The following ASMT variants were observed in gnomAD, a reference collection of about 807,000 sequenced individuals.
ASMT encodes the protein acetylserotonin N-methyltransferase.
In ASMT, 53 loss-of-function variants were observed where a neutral mutation model predicts 41.3. That is an observed-to-expected ratio of 1.28 (90% CI 1.03 to 1.61). The LOEUF is 1.61. Ranked by LOEUF, ASMT falls within the 40% of genes most tolerant of loss-of-function variation. The pLI is 0.00. For synonymous variants in ASMT, 231 were observed against 184.8 expected (o/e 1.25, Z -2.03); for missense variants, 531 against 441.3 (o/e 1.20, Z -1.82).
chrX:1,620,843 C>T (rs1432268536), intron 1 of ASMT, among the ~76,000 whole-genome samples: 5 of 151,432 alleles, frequency 3.3e-5, no homozygotes, highest in Non-Finnish European at 5.9e-5. Flanking sequence ...GAGGCGTGAT[C>T]GTGCCACTGC....
In ASMT at chrX:1,636,904, G is replaced by A. The variant is rs190487146; in HGVS notation, c.910+344G>A. Among the ~76,000 whole-genome samples the A allele has an allele frequency of 5.3e-4, 75 of 141,818 alleles. 1 individual carries two copies. Among genetic ancestry groups the A allele is most frequent in the African/African-American group, 1.1e-3 (43 of 38,294 alleles). 93.0% of individuals were successfully genotyped at this position (141,818 alleles called of 152,430 possible). A position where few individuals can be genotyped will look rare whatever the true frequency, so the allele number is the denominator to read the frequency against. ...ATCCTGATGGTTCATGAGGATGTGGGCACAGCCTCTGTGTGTGATGGGGAC... is the reference window on the plus strand; with the variant it reads ...ATCCTGATGGTTCATGAGGATGTGGACACAGCCTCTGTGTGTGATGGGGAC... On this transcript the variant is annotated intron_variant, in intron 8 of 8. Transcript: ENST00000381241.
At chrX:1,615,404 C>CTT in intron 1 of ASMT, 136 bp downstream of exon 1, 1 of 914,332 alleles carries the variant, frequency 1.1e-6, no homozygotes, top group Middle Eastern at 2.5e-4. Flanking sequence ...AAGACGTACA[C>CTT]CCACGATGTA....
chrX:1,641,051 G>GC (rs1225449328), intron 8 of ASMT, among the ~76,000 whole-genome samples: 1 of 9,112 alleles, frequency 1.1e-4, no homozygotes, highest in Non-Finnish European at 4.4e-4. Context: ...CAGTGTCCCA[G>GC]TGTCCTGTGA....
At chrX:1,628,251 G>A (rs1934632484) in intron 4 of ASMT, among the ~76,000 whole-genome samples, 1 of 152,304 alleles carries the variant, frequency 6.6e-6, no homozygotes, top group South Asian at 2.1e-4. Context: ...AACCCGGGAG[G>A]CGGAGGTTGC....
In ASMT at chrX:1,615,142, T is replaced by C. The variant is rs377128428; in HGVS notation, c.-58T>C. The stretch of plus-strand genomic sequence containing the variant: ...TTCCCCACCTTGCCAGCAGGCTCTG[T>C]GCTCCTTGAAGCAAGCGCTCCAGAG... On this transcript the variant is annotated 5_prime_UTR_variant, in exon 1 of 9. Transcript: ENST00000381241. 14 of 1,504,792 alleles carry C rather than the reference T, an allele frequency of 9.3e-6. No individual in the cohort carries two copies. The highest frequency in any genetic ancestry group is 1.7e-4 in the Middle Eastern group (1 of 5,850). 93.2% of individuals were successfully genotyped at this position (1,504,792 alleles called of 1,614,324 possible). A position where few individuals can be genotyped will look rare whatever the true frequency, so the allele number is the denominator to read the frequency against.
intron 1 of ASMT, 145 bp downstream of exon 1, chrX:1,615,413 TAGCC>T: frequency 1.2e-6 from 1 of 856,200 alleles, no homozygotes; most frequent in Middle Eastern, 2.7e-4. Context: ...ACCCACGATG[TAGCC>T]TCAGGAGTTC....
At chrX:1,616,919 A>C (rs767266786) in intron 1 of ASMT, among the ~76,000 whole-genome samples, 2 of 151,844 alleles carry the variant, frequency 1.3e-5, no homozygotes, top group African/African-American at 4.8e-5. Context: ...CGTGTTAGCC[A>C]GGATGGTCTC....
chrX:1,636,403 C>T, intron 7 of ASMT, 35 bp from the exon 8 acceptor site: 1 of 1,613,886 alleles, frequency 6.2e-7, no homozygotes, highest in Non-Finnish European at 8.5e-7. Flanking sequence ...GATTGGATTG[C>T]AGGCTGACCT....
intron 8 of ASMT, among the ~76,000 whole-genome samples, chrX:1,641,285 G>A: frequency 4.0e-5 from 1 of 25,102 alleles, no homozygotes. Context: ...TGTGAGATAG[G>A]GACCATGTCC....
chrX:1,642,373 G>GC lies in ASMT; in HGVS notation c.911-430_911-429insC, dbSNP rs1479965599. Reference sequence around the variant, plus strand: ...TGTGTATAATGGGGACAGTGTCCCAGTGTCCTGTGAGGTCCACCCATCCTG... The same window carrying GC: ...TGTGTATAATGGGGACAGTGTCCCAGCTGTCCTGTGAGGTCCACCCATCCTG... On this transcript the variant is annotated intron_variant, in intron 8 of 8. Transcript: ENST00000381241. Among the ~76,000 whole-genome samples the GC allele has an allele frequency of 9.9e-5, 14 of 141,338 alleles. 1 individual carries two copies. Among genetic ancestry groups the GC allele is most frequent in the Admixed American group, 6.7e-4 (8 of 11,884 alleles). 92.7% of individuals were successfully genotyped at this position (141,338 alleles called of 152,430 possible).
intron 3 of ASMT, among the ~76,000 whole-genome samples, chrX:1,625,904 A>C (rs6644638): frequency 1.4e-4 from 21 of 146,466 alleles, no homozygotes; most frequent in African/African-American, 4.1e-4. Context: ...GCAGTGAGCC[A>C]AGATCGCACC....
At chrX:1,637,065 GGC>G (rs1935011144) in intron 8 of ASMT, among the ~76,000 whole-genome samples, 1 of 102,402 alleles carries the variant, frequency 9.8e-6, no homozygotes, top group Non-Finnish European at 2.0e-5. Flanking sequence ...TGAGGATGTG[GGC>G]ACAGCCTCTG....
chrX:1,616,249 G>T (rs759932585), intron 1 of ASMT, among the ~76,000 whole-genome samples: 1 of 151,336 alleles, frequency 6.6e-6, no homozygotes, highest in Non-Finnish European at 1.5e-5. Context: ...GGCTGGTCTC[G>T]AACTCCTGAC....
rs770257485 is a variant in ASMT, at chrX:1,636,426, C to T, written c.788-12C>T. The T allele has an allele frequency of 3.1e-6, 5 of 1,613,844 alleles. No individual in the cohort carries two copies. The highest frequency in any genetic ancestry group is 4.2e-6 in the Non-Finnish European group (5 of 1,179,860). ...TGCAGGCTGACCTCGGTGTGCCTGC[C>T]CTGTGTTCCAGGGGATTTCTTCAAA... On this transcript the variant is annotated splice_polypyrimidine_tract_variant and intron_variant, in intron 7 of 8. Coordinates refer to ENST00000381241, the MANE Select transcript of ASMT (RefSeq NM_001171038.2).
At chrX:1,628,920 TTCTCTCTTTCTTTCTC>T (rs1364345874) in intron 4 of ASMT, among the ~76,000 whole-genome samples, 2 of 128,878 alleles carry the variant, frequency 1.6e-5, no homozygotes, top group Non-Finnish European at 3.3e-5. Flanking sequence ...TTTCCCCCGT[TTCTCTCTTTCTTTCTC>T]TCTCTCTTTC....
At chrX:1,630,300 A>ATTTTTTTTTTTT (rs36011956) in intron 5 of ASMT, among the ~76,000 whole-genome samples, 1 of 71,098 alleles carries the variant, frequency 1.4e-5, no homozygotes, top group Non-Finnish European at 2.6e-5. Context: ...CACCAGGCTA[A>ATTTTTTTTTTTT]TTTTTTTTTT....
At chrX:1,630,220 G>C (rs1222501056) in intron 5 of ASMT, among the ~76,000 whole-genome samples, 1 of 151,036 alleles carries the variant, frequency 6.6e-6, no homozygotes, top group East Asian at 1.9e-4. Flanking sequence ...TGCAACCTTT[G>C]CCTCCTGGGT....
intron 8 of ASMT, among the ~76,000 whole-genome samples, chrX:1,641,542 C>G (rs1237385415): frequency 5.4e-5 from 8 of 147,092 alleles, no homozygotes; most frequent in Admixed American, 2.9e-4. Context: ...GGGACAGTGT[C>G]CCAGTTCTCC....
At chrX:1,619,393 C>CA (rs752048500) in intron 1 of ASMT, among the ~76,000 whole-genome samples, 1,108 of 84,568 alleles carry the variant, frequency 0.013, 17 homozygotes, top group Admixed American at 0.057. Context: ...GACCCTGTCT[C>CA]AAAAAAAAAA....
Sources: gnomAD v4.1 joint callset for allele counts (sites outside exome capture counted in the v4.1 genomes callset) on GRCh38, gnomAD v4.1.1 for gene constraint, MANE v1.5 for transcripts, NCBI Gene and HGNC (gene_info 2026-07-23, HGNC 2026-07-21) for gene names.